ULK1: variants seen among roughly 807,000 people sequenced by gnomAD.
ULK1 encodes unc-51 like autophagy activating kinase 1.
In ULK1, 48 loss-of-function variants were observed where a neutral mutation model predicts 117.5. The ratio of observed to expected loss-of-function variants is 0.41; its 90% CI spans 0.32 to 0.52. The LOEUF is 0.52. ULK1 is among the 20% of genes least tolerant of loss of function. The pLI is 0.29. For missense variants in ULK1, 1,387 were observed against 1,473.4 expected, an observed-to-expected ratio of 0.94 and a Z score of 0.96; for synonymous variants, 790 against 637.8, an observed-to-expected ratio of 1.24 and a Z score of -3.60.
rs750778391 is a variant in ULK1 at position 131,917,034 on chromosome 12, G to C, written c.2154G>C (p.Glu718Asp). Residue 718 changes from glutamate (E) to aspartate (D), a missense_variant, in exon 21 of 28, where the codon GAG (glutamate) becomes GAC (aspartate). Around this residue, in one of 4 missense-constraint regions of ULK1, gnomAD observed 900 missense variants for 858.9 expected, o/e 1.05. Transcript: ENST00000321867. ...GTQAPDPGST[E>D]SLQEKPMEIA... ...AAGCCCCGGACCCGGGCAGCACGGA[G>C]AGCCTGCAGGAGAAGCCCATGGAGA... 15 of 1,592,722 alleles carry C rather than the reference G, an allele frequency of 9.4e-6. No homozygotes were observed. In the East Asian group the frequency reaches 2.0e-4, roughly 21 times the overall value.
intron 23 of ULK1, 146 bp from the exon 24 acceptor site, chr12:131,919,066 G>A (rs745688001): frequency 3.0e-5 from 25 of 823,252 alleles, no homozygotes; most frequent in Middle Eastern, 7.3e-4. Context: ...GTGGGGTGTC[G>A]GGCGTGGCAC....
chr12:131,918,763 G>T, intron 23 of ULK1, 82 bp downstream of exon 23: 1 of 1,315,880 alleles, frequency 7.6e-7, no homozygotes, highest in East Asian at 2.8e-5. Flanking sequence ...GTGGGGTATA[G>T]GGTGTGTGGG....
intron 11 of ULK1, among the ~76,000 whole-genome samples, 183 bp downstream of exon 11, chr12:131,910,487 C>G (rs909729274): frequency 2.0e-5 from 3 of 152,074 alleles, no homozygotes; most frequent in Non-Finnish European, 4.4e-5. Flanking sequence ...GCCAGGGGTT[C>G]GCATGGTGCA....
intron 20 of ULK1, among the ~76,000 whole-genome samples, 177 bp downstream of exon 20, chr12:131,916,768 C>T (rs1012005061): frequency 6.6e-6 from 1 of 152,146 alleles, no homozygotes; most frequent in African/African-American, 2.4e-5. Flanking sequence ...GCCCTAGACC[C>T]ACAGCAGGTC....
rs776266640 is a variant in ULK1 at position 131,906,657 on chromosome 12, TG to T, written c.247-229del. 553 of 590,982 alleles carry T rather than the reference TG, an allele frequency of 9.4e-4. 4 individuals carry two copies. The highest frequency in any genetic ancestry group is 4.5e-4 in the Middle Eastern group (1 of 2,198). 36.6% of individuals were successfully genotyped at this position (590,982 alleles called of 1,614,324 possible). On this transcript the variant is annotated intron_variant, in intron 3 of 27. Coordinates refer to ENST00000321867, the MANE Select transcript of ULK1 (RefSeq NM_003565.4). The stretch of plus-strand genomic sequence containing the variant: ...CCTCTGCCAGGAGCTGTTGCTCTTA[TG>T]GGGGGACCAGGGGCCTTTGCCTTGA...
rs781533563 is a variant in ULK1, at chr12:131,915,992, C to T, written c.1711C>T (p.Pro571Ser). The T allele has an allele frequency of 3.7e-6, 6 of 1,612,398 alleles. No homozygotes were observed. Residue 571 changes from proline to serine, a missense_variant, in exon 19 of 28, where the codon CCC becomes TCC. Around this residue, in one of 4 missense-constraint regions of ULK1, gnomAD observed 900 missense variants for 858.9 expected, o/e 1.05. Transcript: ENST00000321867. ...SDLHVVRPKLPKPPTDPLGAV... is the reference protein window; with the variant it reads ...SDLHVVRPKLSKPPTDPLGAV... ...CTTGCACGTCGTCCGCCCCAAGCTG[C>T]CCAAACCCCCCACGGACCCCCTGGG...
At position 131,912,034 on chromosome 12, in the gene ULK1, C is replaced by A; in HGVS notation, c.1041C>A (p.Ser347Arg). 1 of 1,612,876 alleles carries A rather than the reference C, an allele frequency of 6.2e-7. No homozygotes were observed. Among genetic ancestry groups the A allele is most frequent in the Non-Finnish European group, 8.5e-7 (1 of 1,179,964 alleles). Reference protein sequence around the residue: ...FLHSSRDSGGSKDSSCDTDDF... With the variant: ...FLHSSRDSGGRKDSSCDTDDF... ...ACAGCTCCCGGGACTCTGGTGGCAGCAAGGACTCTTCCTGTGACACAGACG... is the reference window on the plus strand; with the variant it reads ...ACAGCTCCCGGGACTCTGGTGGCAGAAAGGACTCTTCCTGTGACACAGACG... Residue 347 changes from serine (S) to arginine (R), a missense_variant, in exon 13 of 28, where the codon AGC becomes AGA. This residue lies in a region of ULK1 where 260 missense variants were observed against 271.6 expected (regional missense o/e 0.96). Transcript: ENST00000321867.
Position 131,914,355 on chromosome 12 carries a change from G to A in ULK1, c.1251G>A (p.Arg417=), listed in dbSNP as rs751745446. ...TCCTGACCTCTCTCCACCACAGCCG[G>A]GCTGGCCCGTTCTCCAGCAGCAGGT... The part of the protein sequence containing the change: ...PCSSSPSPSG[R]AGPFSSSRCG... The change falls in exon 16 of 28, where the codon CGG becomes CGA. Residue 417 remains arginine, a synonymous_variant. Coordinates refer to ENST00000321867, the MANE Select transcript of ULK1 (RefSeq NM_003565.4). 22 of 1,610,056 alleles carry A rather than the reference G, an allele frequency of 1.4e-5. No homozygotes were observed. The highest frequency in any genetic ancestry group is 1.3e-4 in the East Asian group (6 of 44,874).
rs372961116 is a variant in ULK1, at chr12:131,916,156, C to T, written c.1875C>T (p.Thr625=). The change falls in exon 19 of 28, where the codon ACC becomes ACT. Residue 625 remains threonine (T), a synonymous_variant. Coordinates refer to ENST00000321867, the MANE Select transcript of ULK1 (RefSeq NM_003565.4). ...NPLPPILGSP[T]KAVPSFDFPK... is the part of the protein sequence containing the mutation. ...TGCCCCCCATCCTGGGCTCCCCCAC[C>T]AAGGTAATGGGCACTGCCATGTGTG... is the stretch of plus-strand genomic sequence containing the variant. The T allele has an allele frequency of 4.1e-5, 66 of 1,611,344 alleles. No individual in the cohort carries two copies. In the East Asian group the frequency reaches 9.4e-4, roughly 23 times the overall value.
Position 131,895,823 on chromosome 12 carries a change from A to G in ULK1, c.245A>G (p.Gln82Arg). The stretch of plus-strand genomic sequence containing the variant: ...AACATCGTGGCCCTGTACGACTTCC[A>G]GGTAAGGCCTCTGGGCTGCGGTCTG... ...HENIVALYDFQEMANSVYLVM... is the reference protein window; with the variant it reads ...HENIVALYDFREMANSVYLVM... The change falls in exon 3 of 28, where the codon CAG (glutamine) becomes CGG (arginine). Residue 82 changes from glutamine to arginine, a missense_variant and splice_region_variant. Gln to Arg is a conservative substitution (Grantham distance 43). Around this residue, in one of 4 missense-constraint regions of ULK1, gnomAD observed 224 missense variants for 325.2 expected, o/e 0.69. Coordinates refer to ENST00000321867, the MANE Select transcript of ULK1 (RefSeq NM_003565.4). The G allele has an allele frequency of 6.2e-7, 1 of 1,614,116 alleles. No individual in the cohort carries two copies.
intron 24 of ULK1, 23 bp downstream of exon 24, chr12:131,919,407 TGGGGC>T: frequency 6.3e-6 from 1 of 158,928 alleles, no homozygotes; most frequent in Non-Finnish European, 1.3e-5. Context: ...AGGGCTGGGG[TGGGGC>T]GGGTGGTGGC....
chr12:131,894,853 G>A lies in ULK1; in HGVS notation c.-149G>A, dbSNP rs1888792982. ...GGACCCGGCCCCGGCCTGCCCGATG[G>A]GGCGCGCGGCCCCGGAGATGCGCCC... On this transcript the variant is annotated 5_prime_UTR_variant, in exon 1 of 28. Transcript: ENST00000321867. 5.8e-6 allele frequency: 1 copy of A among 171,208 alleles called. No individual in the cohort carries two copies. The highest frequency in any genetic ancestry group is 2.5e-5 in the African/African-American group (1 of 40,646). 10.6% of individuals were successfully genotyped at this position (171,208 alleles called of 1,614,324 possible). A position where few individuals can be genotyped will look rare whatever the true frequency, so the allele number is the denominator to read the frequency against.
At chr12:131,901,808 C>T (rs1251824872) in intron 3 of ULK1, among the ~76,000 whole-genome samples, 4 of 151,776 alleles carry the variant, frequency 2.6e-5, no homozygotes, top group Admixed American at 1.3e-4. Context: ...CTGGGGTGTG[C>T]GCCAACTAGG....
chr12:131,910,040 C>G, intron 10 of ULK1, 39 bp downstream of exon 10: 3 of 1,606,030 alleles, frequency 1.9e-6, no homozygotes, highest in Non-Finnish European at 2.5e-6. Flanking sequence ...GTCCCCCACC[C>G]TCCTTCCTTG....
chr12:131,917,724 C>T (rs547494856), intron 22 of ULK1, among the ~76,000 whole-genome samples, 170 bp downstream of exon 22: 2 of 152,172 alleles, frequency 1.3e-5, no homozygotes, highest in Admixed American at 6.5e-5. Flanking sequence ...TCCCCGTCTG[C>T]GAAATGGACG....
At position 131,908,707 on chromosome 12, in the gene ULK1, G is replaced by A. The variant is rs142529003; in HGVS notation, c.380G>A (p.Arg127Gln). ...CTGCAGCAGATCGCGGGCGCCATGC[G>A]GCTTCTGCACAGCAAAGGCATCATC... ...LFLQQIAGAM[R>Q]LLHSKGIIHR... is the part of the protein sequence containing the mutation. Residue 127 changes from arginine (R) to glutamine (Q), a missense_variant, in exon 6 of 28, where the codon CGG (arginine) becomes CAG (glutamine). By Grantham distance (43) the Arg-to-Gln change is conservative (BLOSUM62 1). This residue lies in a region of ULK1 where 224 missense variants were observed against 325.2 expected (regional missense o/e 0.69). Transcript: ENST00000321867. 1 of 1,603,396 alleles carries A rather than the reference G, an allele frequency of 6.2e-7. No homozygotes were observed. The highest frequency in any genetic ancestry group is 2.2e-5 in the East Asian group (1 of 44,620).
chr12:131,919,201 G>T lies in ULK1; in HGVS notation c.2512-11G>T. On this transcript the variant is annotated splice_polypyrimidine_tract_variant and intron_variant, in intron 23 of 27. Coordinates refer to ENST00000321867, the MANE Select transcript of ULK1 (RefSeq NM_003565.4). ...GGCAGCACTTGCCGCCCTGACGGCC[G>T]CTTCCTGCAGCAAGAGCACACGGAG... 6.3e-7 allele frequency: 1 copy of T among 1,586,850 alleles called. No individual in the cohort carries two copies.
chr12:131,907,434 C>G, intron 4 of ULK1, 61 bp from the exon 5 acceptor site: 1 of 1,590,182 alleles, frequency 6.3e-7, no homozygotes, highest in Non-Finnish European at 8.6e-7. Flanking sequence ...GGAGGCTGGG[C>G]AGGGCTGGGA....
intron 3 of ULK1, among the ~76,000 whole-genome samples, chr12:131,904,492 TG>T: frequency 6.6e-6 from 1 of 152,136 alleles, no homozygotes; most frequent in Middle Eastern, 3.4e-3. Flanking sequence ...CCTTAGTGTT[TG>T]GGGGTGGGAG....
Sources: gnomAD v4.1 joint callset for allele counts (sites outside exome capture counted in the v4.1 genomes callset) on GRCh38, gnomAD v4.1.1 for gene constraint, gnomAD v4.1.1 regional missense constraint, MANE v1.5 for transcripts, NCBI Gene and HGNC (gene_info 2026-07-23, HGNC 2026-07-21) for gene names.